Variants in CSMD2 observed in about 807,000 individuals in gnomAD.
CSMD2 encodes CUB and Sushi multiple domains 2.
Under a neutral mutation model 398.5 loss-of-function variants are expected in CSMD2, and 130 were observed. The ratio of observed to expected loss-of-function variants is 0.33; its 90% confidence interval spans 0.28 to 0.38. CSMD2 has a LOEUF of 0.38. Among genes scored for constraint, CSMD2 ranks in the 10% least tolerant of loss-of-function variants. CSMD2 has a pLI of 1.00. For missense variants in CSMD2, 3,829 were observed against 4,764.9 expected, an observed-to-expected ratio of 0.80 and a Z score of 5.78; for synonymous variants, 1,828 against 1,908.5, an observed-to-expected ratio of 0.96 and a Z score of 1.10.
chr1:33,943,586 T>C (rs749391325), intron 3 of CSMD2, among the ~76,000 whole-genome samples: 1 of 152,228 alleles, frequency 6.6e-6, no homozygotes, highest in African/African-American at 2.4e-5. Flanking sequence ...ACATTTTACA[T>C]GATTGGGTTT....
chr1:34,046,253 C>A (rs1180173893), intron 2 of CSMD2, among the ~76,000 whole-genome samples: 1 of 152,198 alleles, frequency 6.6e-6, no homozygotes, highest in Non-Finnish European at 1.5e-5. Flanking sequence ...CAATGACCAA[C>A]AAGGAAACAC....
At chr1:33,718,032 C>A (rs370033945) in intron 19 of CSMD2, among the ~76,000 whole-genome samples, 177 of 152,274 alleles carry the variant, frequency 1.2e-3, no homozygotes, top group African/African-American at 4.0e-3. Context: ...TGCCAGGAAC[C>A]CTGTGGCGTG....
Position 33,524,851 on chromosome 1 carries a change from C to T in CSMD2, c.10396+31G>A, listed in dbSNP as rs745520558. 2.5e-6 allele frequency: 4 copies of T among 1,609,668 alleles called. No homozygotes were observed. In the African/African-American group the frequency reaches 5.3e-5, roughly 21 times the overall value. ...CCAAGGGTGTGTGCCCATCCATCCT[C>T]CCGGCTTTCATAGAGGGGCCTGCTC... On this transcript the variant is annotated intron_variant, in intron 66 of 70. Transcript: ENST00000373381.
chr1:33,596,599 T>C (rs1236141907), intron 44 of CSMD2, among the ~76,000 whole-genome samples: 1 of 152,160 alleles, frequency 6.6e-6, no homozygotes, highest in East Asian at 1.9e-4. Flanking sequence ...AGCAAACACG[T>C]CTTTCTTCAC....
intron 5 of CSMD2, among the ~76,000 whole-genome samples, chr1:33,887,016 T>C (rs1050951344): frequency 3.3e-5 from 5 of 151,940 alleles, no homozygotes; most frequent in African/African-American, 1.2e-4. Flanking sequence ...CATTTTTCAG[T>C]GGAGGAATCA....
chr1:33,818,500 T>C (rs759691511), intron 9 of CSMD2, among the ~76,000 whole-genome samples: 1 of 152,206 alleles, frequency 6.6e-6, no homozygotes, highest in Non-Finnish European at 1.5e-5. Flanking sequence ...GTAGGATACA[T>C]ACTATTAGCA....
rs6143186 is a variant in CSMD2, at chr1:34,111,982, T to TTC, written c.188-22791_188-22790dup. Reference sequence around the variant, plus strand: ...CCTTATTTCAATAAATTCTTTCAAATTCTCTCTCTCTCTCTCTCTCTCTCT... The same window carrying TTC: ...CCTTATTTCAATAAATTCTTTCAAATTCTCTCTCTCTCTCTCTCTCTCTCTCT... On this transcript the variant is annotated intron_variant, in intron 1 of 70. Coordinates refer to ENST00000373381, the MANE Select transcript of CSMD2 (RefSeq NM_001281956.2). Among the ~76,000 whole-genome samples the TTC allele has an allele frequency of 3.2e-3, 481 of 149,786 alleles. 2 individuals carry two copies. Among genetic ancestry groups the TTC allele is most frequent in the African/African-American group, 0.011 (455 of 40,674 alleles).
At chr1:33,784,478 T>A (rs1653259522) in intron 12 of CSMD2, among the ~76,000 whole-genome samples, 1 of 152,214 alleles carries the variant, frequency 6.6e-6, no homozygotes, top group African/African-American at 2.4e-5. Context: ...CCCACCCAAC[T>A]TAGCCCCTTG....
At chr1:33,804,797 G>A (rs1656027661) in intron 10 of CSMD2, 1 of 717,324 alleles carries the variant, frequency 1.4e-6, no homozygotes, top group African/African-American at 1.7e-5. Context: ...CATTGTCCTT[G>A]CTGTTTCCCA....
chr1:33,758,359 G>A (rs1433120781), intron 13 of CSMD2, among the ~76,000 whole-genome samples: 2 of 152,200 alleles, frequency 1.3e-5, no homozygotes, highest in Non-Finnish European at 2.9e-5. Context: ...TAGCTTGAGG[G>A]CTGTGGAATA....
At chr1:33,577,605 C>T (rs1326052742) in intron 48 of CSMD2, 121 bp from the exon 49 acceptor site, 5 of 816,564 alleles carry the variant, frequency 6.1e-6, no homozygotes, top group Admixed American at 3.2e-5. Flanking sequence ...CTGCCACATC[C>T]TCTGCTGTTG....
intron 1 of CSMD2, among the ~76,000 whole-genome samples, chr1:34,160,440 A>C (rs1641225765): frequency 6.6e-6 from 1 of 152,198 alleles, no homozygotes; most frequent in Non-Finnish European, 1.5e-5. Flanking sequence ...AACCTAGGGA[A>C]CTGTAACCAA....
intron 11 of CSMD2, among the ~76,000 whole-genome samples, chr1:33,790,788 T>C (rs568938723): frequency 6.8e-6 from 1 of 148,108 alleles, no homozygotes; most frequent in African/African-American, 2.5e-5. Flanking sequence ...ATCAATCGTC[T>C]ATCATCTCTC....
At chr1:34,043,933 A>G (rs1352569539) in intron 2 of CSMD2, among the ~76,000 whole-genome samples, 3 of 152,190 alleles carry the variant, frequency 2.0e-5, no homozygotes, top group African/African-American at 7.2e-5. Context: ...TGTTGTCACA[A>G]TTAGTTGCCA....
chr1:33,744,202 A>G (rs924996516), intron 13 of CSMD2, among the ~76,000 whole-genome samples: 1 of 152,248 alleles, frequency 6.6e-6, no homozygotes, highest in Non-Finnish European at 1.5e-5. Flanking sequence ...GGTTTACAGC[A>G]GTAGGAAAGG....
intron 40 of CSMD2, 28 bp downstream of exon 40, chr1:33,614,476 G>T: frequency 1.5e-6 from 2 of 1,296,158 alleles, no homozygotes; most frequent in African/African-American, 1.5e-5. Flanking sequence ...CTTGAAGCCT[G>T]TCTCCTCTGG....
intron 5 of CSMD2, among the ~76,000 whole-genome samples, chr1:33,908,861 C>G (rs1305196708): frequency 6.6e-6 from 1 of 152,100 alleles, no homozygotes; most frequent in South Asian, 2.1e-4. Context: ...ATACAGGAGA[C>G]GAGATTTTAA....
intron 2 of CSMD2, among the ~76,000 whole-genome samples, chr1:34,044,881 G>T (rs376979249): frequency 1.2e-4 from 18 of 152,236 alleles, no homozygotes; most frequent in African/African-American, 4.3e-4. Context: ...ACACTGACAG[G>T]CTTGGCAAAT....
chr1:33,661,895 C>G (rs1176191335), intron 26 of CSMD2, among the ~76,000 whole-genome samples: 1 of 152,264 alleles, frequency 6.6e-6, no homozygotes, highest in South Asian at 2.1e-4. Context: ...ACAGGTGCCA[C>G]AAGAAATTGC....
Sources: gnomAD v4.1 joint callset for allele counts (sites outside exome capture counted in the v4.1 genomes callset) on GRCh38, gnomAD v4.1.1 for gene constraint, MANE v1.5 for transcripts, NCBI Gene and HGNC (gene_info 2026-07-23, HGNC 2026-07-21) for gene names.